TRAFD1: variants seen among roughly 807,000 people sequenced by gnomAD.
The protein encoded by TRAFD1 is TRAF-type zinc finger domain containing 1.
TRAFD1 carries 38 observed loss-of-function variants against 65.3 expected under a neutral mutation model. That is an observed-to-expected ratio of 0.58 (90% CI 0.45 to 0.76). The LOEUF (loss-of-function observed/expected upper bound fraction) is 0.76, where lower values mean the gene tolerates loss of function less well. TRAFD1 is among the 30% of genes least tolerant of loss of function. The pLI, the probability that TRAFD1 is intolerant of heterozygous loss-of-function variation, is 0.00. For missense variants in TRAFD1, 631 were observed against 712.6 expected (o/e 0.89, Z 1.30); for synonymous variants, 223 against 257.2 (o/e 0.87, Z 1.27).
intron 1 of TRAFD1, among the ~76,000 whole-genome samples, chr12:112,127,423 A>G (rs779726191): frequency 1.3e-5 from 2 of 152,144 alleles, no homozygotes; most frequent in Admixed American, 6.6e-5. Context: ...CTTATTTTGT[A>G]AAGTATTTTT....
At chr12:112,147,051 G>A (rs988235481) in intron 7 of TRAFD1, among the ~76,000 whole-genome samples, 1 of 140,580 alleles carries the variant, frequency 7.1e-6, no homozygotes, top group Non-Finnish European at 1.5e-5. Context: ...CTAGGCTGGA[G>A]CGCAGTGACG....
chr12:112,148,849 A>G (rs2030326066), intron 8 of TRAFD1, among the ~76,000 whole-genome samples: 1 of 152,206 alleles, frequency 6.6e-6, no homozygotes, highest in African/African-American at 2.4e-5. Flanking sequence ...TCAACACTGC[A>G]GCTACCATTT....
chr12:112,133,730 G>A (rs867083623), intron 2 of TRAFD1, among the ~76,000 whole-genome samples: 3 of 147,052 alleles, frequency 2.0e-5, no homozygotes, highest in South Asian at 2.1e-4. Flanking sequence ...TTTTTGATAC[G>A]GAATCTTGCT....
intron 4 of TRAFD1, among the ~76,000 whole-genome samples, chr12:112,135,304 A>G (rs561537898): frequency 6.6e-6 from 1 of 152,262 alleles, no homozygotes; most frequent in South Asian, 2.1e-4. Context: ...AACTGAGTCT[A>G]TTATTTCTGT....
intron 6 of TRAFD1, among the ~76,000 whole-genome samples, chr12:112,142,691 A>C (rs1219390178): frequency 6.6e-6 from 1 of 152,088 alleles, no homozygotes; most frequent in Non-Finnish European, 1.5e-5. Context: ...CAAGTAGAGA[A>C]CTTACATTAA....
intron 6 of TRAFD1, among the ~76,000 whole-genome samples, chr12:112,144,599 A>G (rs964583763): frequency 4.6e-5 from 7 of 152,204 alleles, no homozygotes; most frequent in South Asian, 4.1e-4. Flanking sequence ...GCATAAACGT[A>G]GCTGAGCATC....
intron 7 of TRAFD1, 107 bp from the exon 8 acceptor site, chr12:112,147,967 C>T: frequency 9.0e-7 from 1 of 1,106,956 alleles, no homozygotes; most frequent in Non-Finnish European, 1.3e-6. Flanking sequence ...CCGCGCCCGG[C>T]CAAGCATTGT....
rs943897965 is a variant in TRAFD1, at chr12:112,130,817, G to T, written c.47+248G>T. Among the ~76,000 whole-genome samples, 14 of 152,120 alleles carry T rather than the reference G, an allele frequency of 9.2e-5. No individual in the cohort carries two copies. The highest frequency in any genetic ancestry group is 3.4e-4 in the African/African-American group (14 of 41,430). ...TCCTAAGAACTTATCTTGGTATCTT[G>T]GTGCTATACAAGTGCTGTTACTGTA... is the stretch of plus-strand genomic sequence containing the variant. On this transcript the variant is annotated intron_variant, in intron 2 of 11. Coordinates refer to ENST00000412615, the MANE Select transcript of TRAFD1 (RefSeq NM_006700.3). The surrounding 1 kb of genome is among the most constrained non-coding windows in gnomAD (Gnocchi z 4.4).
Position 112,151,941 on chromosome 12 carries a change from C to A in TRAFD1, c.1420C>A (p.Pro474Thr), listed in dbSNP as rs753181748. The change falls in exon 10 of 12, where the codon CCT becomes ACT. Residue 474 changes from proline (P) to threonine (T), a missense_variant. Transcript: ENST00000412615. ...ATCGAGATCAACATCAGGCCCCAGACCTGGGTGCCAGCCCAGCTCTCCTTG... is the reference window on the plus strand; with the variant it reads ...ATCGAGATCAACATCAGGCCCCAGAACTGGGTGCCAGCCCAGCTCTCCTTG... ...QLSRSTSGPR[P>T]GCQPSSPCVP... 6 of 1,614,112 alleles carry A rather than the reference C, an allele frequency of 3.7e-6. No homozygotes were observed. The African/African-American group carries it at 8.0e-5, about 22-fold the overall frequency.
At chr12:112,148,370 A>C (rs2030313128) in intron 8 of TRAFD1, 66 bp downstream of exon 8, 1 of 1,378,048 alleles carries the variant, frequency 7.3e-7, no homozygotes, top group African/African-American at 1.4e-5. Context: ...CAGAGCTGAG[A>C]ACACTTCCTT....
At chr12:112,136,027 G>A (rs1300242172) in intron 4 of TRAFD1, among the ~76,000 whole-genome samples, 1 of 151,200 alleles carries the variant, frequency 6.6e-6, no homozygotes, top group East Asian at 2.0e-4. Flanking sequence ...TACTTGGGAG[G>A]CTGAGGCACG....
At chr12:112,149,645 C>T in intron 8 of TRAFD1, 106 bp from the exon 9 acceptor site, 5 of 1,481,066 alleles carry the variant, frequency 3.4e-6, no homozygotes, top group Non-Finnish European at 4.6e-6. Flanking sequence ...CAGAGGTTGT[C>T]AAAGTCCCCC....
At chr12:112,134,275 G>T (rs543213976) in intron 2 of TRAFD1, among the ~76,000 whole-genome samples, 2 of 150,012 alleles carry the variant, frequency 1.3e-5, no homozygotes. Context: ...CTCTCAAAGT[G>T]CTGGGATTAC....
Position 112,130,653 on chromosome 12 carries a change from G to A in TRAFD1, c.47+84G>A, listed in dbSNP as rs2079563070. The A allele has an allele frequency of 1.6e-6, 2 of 1,231,594 alleles. No individual in the cohort carries two copies. The highest frequency in any genetic ancestry group is 2.3e-6 in the Non-Finnish European group (2 of 851,234). The allele number at this position is 1,231,594 out of a possible 1,614,324, so 76.3% of individuals were successfully genotyped here. On this transcript the variant is annotated intron_variant, in intron 2 of 11. Coordinates refer to ENST00000412615, the MANE Select transcript of TRAFD1 (RefSeq NM_006700.3). The surrounding 1 kb of genome is among the most constrained non-coding windows in gnomAD (Gnocchi z 4.4). ...TCATTTCCTGATTTAAAAACTGTTAGTGAAGACTGGCACAGTCTTGAGTTA... is the reference window on the plus strand; with the variant it reads ...TCATTTCCTGATTTAAAAACTGTTAATGAAGACTGGCACAGTCTTGAGTTA...
In TRAFD1 at chr12:112,152,387, G is replaced by C; in HGVS notation, c.1620-40G>C. 1 of 1,607,038 alleles carries C rather than the reference G, an allele frequency of 6.2e-7. No individual in the cohort carries two copies. Among genetic ancestry groups the C allele is most frequent in the Non-Finnish European group, 8.5e-7 (1 of 1,179,116 alleles). On this transcript the variant is annotated intron_variant, in intron 10 of 11. Transcript: ENST00000412615. This position sits in a 1 kb window ranked among gnomAD's most constrained non-coding sequence, Gnocchi z 5.0. Reference sequence around the variant, plus strand: ...CTCTGAGTTTGTTGACCTTTGCTCAGGGACACTTCAGGAGCTAGTTTCTAA... The same window carrying C: ...CTCTGAGTTTGTTGACCTTTGCTCACGGACACTTCAGGAGCTAGTTTCTAA...
intron 9 of TRAFD1, 60 bp downstream of exon 9, chr12:112,149,931 A>G (rs2030358107): frequency 6.2e-7 from 1 of 1,601,798 alleles, no homozygotes; most frequent in African/African-American, 1.3e-5. Flanking sequence ...CGGCCTGTTT[A>G]CCACTTCCCA....
At chr12:112,145,952 A>G (rs899124913) in intron 7 of TRAFD1, among the ~76,000 whole-genome samples, 9 of 145,476 alleles carry the variant, frequency 6.2e-5, no homozygotes, top group Non-Finnish European at 1.4e-4. Flanking sequence ...TCTCACTCAT[A>G]GATGGCAACT....
In TRAFD1 at chr12:112,152,017, G is replaced by A. The variant is rs201346904; in HGVS notation, c.1496G>A (p.Arg499Gln). ...SDSQDIQGRN[R>Q]DSQNGAIAPG... Reference sequence around the variant, plus strand: ...AGCCAGGACATCCAGGGGCGGAATCGAGACAGCCAGAATGGGGCCATAGCC... The same window carrying A: ...AGCCAGGACATCCAGGGGCGGAATCAAGACAGCCAGAATGGGGCCATAGCC... Residue 499 changes from arginine to glutamine, a missense_variant, in exon 10 of 12, where the codon CGA becomes CAA. Transcript: ENST00000412615. This position sits in a 1 kb window ranked among gnomAD's most constrained non-coding sequence, Gnocchi z 5.0. 9 of 1,614,228 alleles carry A rather than the reference G, an allele frequency of 5.6e-6. No individual in the cohort carries two copies. The Middle Eastern group carries it at 6.6e-4, about 118-fold the overall frequency.
At chr12:112,132,311 T>A (rs2079570128) in intron 2 of TRAFD1, among the ~76,000 whole-genome samples, 1 of 152,200 alleles carries the variant, frequency 6.6e-6, no homozygotes, top group Non-Finnish European at 1.5e-5. Context: ...GTAATGAAAA[T>A]ATTCATACAT....
Sources: allele counts gnomAD v4.1 joint callset (sites outside exome capture counted in the v4.1 genomes callset), GRCh38; gene constraint gnomAD v4.1.1; non-coding constraint Gnocchi (gnomAD v3.1); transcripts MANE v1.5; gene names NCBI Gene and HGNC (gene_info 2026-07-23, HGNC 2026-07-21).